Variants in ZNF248 observed in about 807,000 individuals in gnomAD.
ZNF248 encodes zinc finger protein 248, also known as KRAB protein domain.
Under a neutral mutation model 44.3 loss-of-function variants are expected in ZNF248, and 20 were observed. The observed-to-expected ratio is 0.45, with a 90% CI of 0.32 to 0.66. ZNF248 has a LOEUF of 0.66. Ranked by LOEUF, ZNF248 falls within the 30% of genes least tolerant of loss-of-function variation. The pLI is 0.04. For synonymous variants in ZNF248, 224 were observed against 229.0 expected (o/e 0.98, Z 0.20); for missense variants, 654 against 677.0 (o/e 0.97, Z 0.38).
chr10:37,812,352 T>C (rs561709142), intron 6 of ZNF248, among the ~76,000 whole-genome samples: 13 of 151,936 alleles, frequency 8.6e-5, no homozygotes, highest in Non-Finnish European at 1.3e-4. Context: ...CATTTGTTAC[T>C]AAGGAAGAGA....
downstream of ZNF248, among the ~76,000 whole-genome samples, chr10:37,772,110 C>T (rs1472316826): frequency 1.3e-5 from 2 of 152,026 alleles, no homozygotes; most frequent in Non-Finnish European, 2.9e-5. Flanking sequence ...ACCAAAAGTA[C>T]AAAAATCAGC....
chr10:37,818,979 ACT>A, intron 6 of ZNF248: 1 of 1,046,168 alleles, frequency 9.6e-7, no homozygotes, highest in Non-Finnish European at 1.5e-6. Flanking sequence ...CAACCACAAA[ACT>A]CTGGTGTTAA....
Position 37,833,888 on chromosome 10 carries a change from A to C in ZNF248, c.239-772T>G, listed in dbSNP as rs576967822. Among the ~76,000 whole-genome samples the C allele has an allele frequency of 3.3e-5, 5 of 152,250 alleles. No homozygotes were observed. The South Asian group carries it at 1.0e-3, about 32-fold the overall frequency. ...TGAGTTCAAGGGAGTTGTTTTTTTA[A>C]AAAGGAAATAGAGTGAGTGGTAGTG... On this transcript the variant is annotated intron_variant, in intron 5 of 5. Transcript: ENST00000395867.
At chr10:37,772,838 C>A (rs2046315539), downstream of ZNF248, among the ~76,000 whole-genome samples, 2 of 152,216 alleles carry the variant, frequency 1.3e-5, no homozygotes, top group African/African-American at 4.8e-5. Flanking sequence ...CAGCGTTCCA[C>A]ATTTCTGACT....
rs749556145 is a variant in ZNF248 at position 37,830,033 on chromosome 10, A to G, written c.*1582T>C. 6 of 985,462 alleles carry G rather than the reference A, an allele frequency of 6.1e-6. No individual in the cohort carries two copies. The highest frequency in any genetic ancestry group is 7.2e-6 in the Non-Finnish European group (6 of 829,956). The allele number at this position is 985,462 out of a possible 1,614,324, so 61.0% of individuals were successfully genotyped here. A position where few individuals can be genotyped will look rare whatever the true frequency, so the allele number is the denominator to read the frequency against. The stretch of plus-strand genomic sequence containing the variant: ...CAATGTGTTCCAAGGGGGCAAAAGA[A>G]ACAACAGGACAAGGGAGGCAGAGAT... On this transcript the variant is annotated 3_prime_UTR_variant, in exon 6 of 6. Coordinates refer to ENST00000395867, the MANE Select transcript of ZNF248 (RefSeq NM_021045.3).
At chr10:37,818,530 G>A (rs574727265) in intron 6 of ZNF248, 36 of 305,578 alleles carry the variant, frequency 1.2e-4, no homozygotes, top group African/African-American at 6.3e-4. Context: ...GATTCTCTAC[G>A]TTCCAAACCT....
chr10:37,826,505 G>A (rs2054415264), downstream of ZNF248, among the ~76,000 whole-genome samples: 1 of 152,070 alleles, frequency 6.6e-6, no homozygotes, highest in South Asian at 2.1e-4. Context: ...TGGACGTTCA[G>A]GTACGTTTTT....
At chr10:37,825,909 A>T (rs9418293), downstream of ZNF248, among the ~76,000 whole-genome samples, 11 of 150,408 alleles carry the variant, frequency 7.3e-5, no homozygotes, top group East Asian at 1.2e-3. Flanking sequence ...AAAAAAAAAA[A>T]GGGGGGGAGA....
intron 3 of ZNF248, among the ~76,000 whole-genome samples, chr10:37,846,027 AT>A (rs2059266951): frequency 6.6e-6 from 1 of 152,212 alleles, no homozygotes; most frequent in African/African-American, 2.4e-5. Context: ...CTGATGTATG[AT>A]TTTTGCCTGT....
At chr10:37,804,018 G>A (rs952769905) in intron 6 of ZNF248, 12 of 152,372 alleles carry the variant, frequency 7.9e-5, no homozygotes, top group Admixed American at 5.9e-4. Context: ...AACAGAGTTC[G>A]AAAACTAGGT....
the ZNF248 span, among the ~76,000 whole-genome samples, chr10:37,767,457 G>A: frequency 1.2e-3 from 180 of 152,270 alleles, no homozygotes; most frequent in African/African-American, 4.1e-3. Context: ...AGAAGGGAGT[G>A]GGGGCCAATA....
chr10:37,758,855 T>C, the ZNF248 span, among the ~76,000 whole-genome samples: 13 of 152,250 alleles, frequency 8.5e-5, no homozygotes, highest in Non-Finnish European at 1.9e-4. Flanking sequence ...CTCAGACAGT[T>C]CTGGGTGTAA....
At chr10:37,843,823 A>G (rs2058784618) in intron 3 of ZNF248, among the ~76,000 whole-genome samples, 1 of 152,214 alleles carries the variant, frequency 6.6e-6, no homozygotes, top group South Asian at 2.1e-4. Context: ...TGAAAGAATC[A>G]TGAATTGGAG....
chr10:37,798,593 C>T (rs924940886), intron 6 of ZNF248, among the ~76,000 whole-genome samples: 1 of 151,998 alleles, frequency 6.6e-6, no homozygotes, highest in Non-Finnish European at 1.5e-5. Context: ...CACAGATACA[C>T]ATGTACATGT....
intron 6 of ZNF248, chr10:37,819,890 G>A: frequency 1.3e-6 from 1 of 776,460 alleles, no homozygotes; most frequent in Non-Finnish European, 2.4e-6. Context: ...TGCTTGATAA[G>A]ATTCTGAAAA....
chr10:37,779,495 G>A (rs2132851697), intron 6 of ZNF248, among the ~76,000 whole-genome samples: 1 of 152,102 alleles, frequency 6.6e-6, no homozygotes, highest in East Asian at 1.9e-4. Flanking sequence ...CAATAAATTA[G>A]GTATTGATGG....
intron 5 of ZNF248, among the ~76,000 whole-genome samples, chr10:37,835,087 G>C (rs973109355): frequency 1.3e-5 from 2 of 152,008 alleles, no homozygotes; most frequent in Non-Finnish European, 1.5e-5. Flanking sequence ...CTTTAGGTTA[G>C]TTTGTTAAGC....
At chr10:37,778,483 G>C (rs1361991237) in intron 6 of ZNF248, among the ~76,000 whole-genome samples, 1 of 151,562 alleles carries the variant, frequency 6.6e-6, no homozygotes, top group Non-Finnish European at 1.5e-5. Flanking sequence ...CCATTTTGTA[G>C]GTTGCCTGTT....
In ZNF248 at chr10:37,820,494, T is replaced by C; in HGVS notation, c.330+12531A>G. ...TGTTCTACTTGTCACAGTAAGGGAT[T>C]GGATAAGGAATGTTGCGGTGAGGAT... On this transcript the variant is annotated intron_variant, in intron 6 of 6. Transcript: ENST00000615949. 3 of 1,599,828 alleles carry C rather than the reference T, an allele frequency of 1.9e-6. No homozygotes were observed. In the South Asian group the frequency reaches 3.3e-5, roughly 18 times the overall value.
Sources: gnomAD v4.1 joint callset for allele counts (sites outside exome capture counted in the v4.1 genomes callset) on GRCh38, gnomAD v4.1.1 for gene constraint, MANE v1.5 for transcripts, NCBI Gene and HGNC (gene_info 2026-07-23, HGNC 2026-07-21) for gene names.